ADCY2: variants seen among roughly 807,000 people sequenced by gnomAD.
ADCY2 encodes the protein adenylate cyclase 2.
Under a neutral mutation model 125.2 loss-of-function variants are expected in ADCY2, and 31 were observed. The ratio of observed to expected loss-of-function variants is 0.25; its 90% CI spans 0.19 to 0.33. ADCY2 has a LOEUF of 0.33. Among genes scored for constraint, ADCY2 ranks in the 10% least tolerant of loss-of-function variants. The pLI, the probability that ADCY2 is intolerant of heterozygous loss-of-function variation, is 1.00. For missense variants in ADCY2, 904 were observed against 1,418.2 expected, an observed-to-expected ratio of 0.64 and a Z score of 5.82; for synonymous variants, 512 against 548.4, an observed-to-expected ratio of 0.93 and a Z score of 0.93.
At chr5:7,538,871 T>C (rs1024733774) in intron 3 of ADCY2, among the ~76,000 whole-genome samples, 2 of 146,850 alleles carry the variant, frequency 1.4e-5, no homozygotes, top group African/African-American at 2.5e-5. Flanking sequence ...TTTTCTTTTT[T>C]TTTTTTTTTT....
chr5:7,759,390 C>T (rs1357983758), intron 16 of ADCY2, among the ~76,000 whole-genome samples: 1 of 152,216 alleles, frequency 6.6e-6, no homozygotes, highest in Non-Finnish European at 1.5e-5. Flanking sequence ...AAAGGCTCAT[C>T]TGTTGCTGGG....
intron 18 of ADCY2, among the ~76,000 whole-genome samples, chr5:7,775,396 T>C (rs1743688296): frequency 6.6e-6 from 1 of 151,484 alleles, no homozygotes; most frequent in Non-Finnish European, 1.5e-5. Flanking sequence ...TAGTTTTGAT[T>C]GTTTGTTTGT....
intron 3 of ADCY2, among the ~76,000 whole-genome samples, chr5:7,556,986 G>A (rs995784086): frequency 3.3e-5 from 5 of 152,058 alleles, no homozygotes; most frequent in African/African-American, 1.2e-4. Flanking sequence ...AGAAACGATA[G>A]ATGATTTTAG....
intron 24 of ADCY2, among the ~76,000 whole-genome samples, chr5:7,824,276 C>A (rs760527919): frequency 1.3e-5 from 2 of 152,112 alleles, no homozygotes; most frequent in East Asian, 1.9e-4. Context: ...AGCAACCCTG[C>A]GGCTTCTCCT....
chr5:7,421,843 G>A (rs1287205703), intron 2 of ADCY2, among the ~76,000 whole-genome samples: 1 of 152,192 alleles, frequency 6.6e-6, no homozygotes, highest in African/African-American at 2.4e-5. Context: ...AAAGTAATTG[G>A]GGTTTTTGCC....
chr5:7,790,062 A>G (rs1477890010), intron 20 of ADCY2, among the ~76,000 whole-genome samples: 6 of 152,116 alleles, frequency 3.9e-5, no homozygotes, highest in Non-Finnish European at 5.9e-5. Context: ...TTTTTTCCCC[A>G]ATCATGTAAA....
At chr5:7,718,988 A>AAAT (rs141855782) in intron 12 of ADCY2, among the ~76,000 whole-genome samples, 1 of 152,072 alleles carries the variant, frequency 6.6e-6, no homozygotes, top group Admixed American at 6.6e-5. Flanking sequence ...AAAAGTTAGC[A>AAAT]AATAATAATA....
chr5:7,804,403 G>T (rs75788199), intron 21 of ADCY2, among the ~76,000 whole-genome samples, 182 bp from the exon 22 acceptor site: 2,411 of 152,304 alleles, frequency 0.016, 68 homozygotes, highest in African/African-American at 0.055. Context: ...CCAAGGACAT[G>T]CGCTGTATGA....
intron 4 of ADCY2, among the ~76,000 whole-genome samples, chr5:7,677,208 G>A (rs576225020): frequency 1.3e-5 from 2 of 152,186 alleles, no homozygotes; most frequent in South Asian, 4.2e-4. Context: ...AACGCAGGAG[G>A]TGGAGGTTGC....
intron 18 of ADCY2, among the ~76,000 whole-genome samples, chr5:7,775,443 T>C (rs1187827931): frequency 6.6e-6 from 1 of 151,806 alleles, no homozygotes; most frequent in African/African-American, 2.4e-5. Flanking sequence ...CAGGCTGGAG[T>C]ACAGTGGTTT....
chr5:7,712,039 T>C (rs1033348501), intron 10 of ADCY2, among the ~76,000 whole-genome samples: 2 of 152,200 alleles, frequency 1.3e-5, no homozygotes, highest in Non-Finnish European at 2.9e-5. Flanking sequence ...TCAACATTGA[T>C]AGAGCTCTTG....
chr5:7,465,380 G>A (rs1255251976), intron 2 of ADCY2, among the ~76,000 whole-genome samples: 1 of 152,136 alleles, frequency 6.6e-6, no homozygotes, highest in East Asian at 1.9e-4. Context: ...TTAAAGCAGA[G>A]TCAGTATCCA....
chr5:7,475,584 G>A (rs142737912), intron 2 of ADCY2, among the ~76,000 whole-genome samples: 52 of 152,254 alleles, frequency 3.4e-4, no homozygotes, highest in South Asian at 1.7e-3. Context: ...GTTTCGCCAC[G>A]TTGGCCAGGC....
chr5:7,708,101 C>T (rs755970745), intron 9 of ADCY2: 24 of 329,678 alleles, frequency 7.3e-5, no homozygotes, highest in Non-Finnish European at 1.3e-4. Context: ...GTGTGTTAGT[C>T]GGTGTATTCC....
chr5:7,627,973 T>A (rs1418764816), intron 4 of ADCY2, among the ~76,000 whole-genome samples: 2 of 152,238 alleles, frequency 1.3e-5, no homozygotes, highest in Non-Finnish European at 2.9e-5. Flanking sequence ...TTTGTTTGTT[T>A]GTTTGTTCTA....
At chr5:7,792,356 T>C (rs929330387) in intron 20 of ADCY2, among the ~76,000 whole-genome samples, 2 of 152,070 alleles carry the variant, frequency 1.3e-5, no homozygotes, top group African/African-American at 2.4e-5. Context: ...CTCGTGCCAT[T>C]GCACTCCAGC....
At chr5:7,582,486 A>G (rs1405940070) in intron 3 of ADCY2, among the ~76,000 whole-genome samples, 2 of 152,180 alleles carry the variant, frequency 1.3e-5, no homozygotes, top group Non-Finnish European at 2.9e-5. Flanking sequence ...TGACTGACCC[A>G]TATTCCAGAT....
chr5:7,591,191 A>C (rs996692424), intron 3 of ADCY2, among the ~76,000 whole-genome samples: 1 of 152,202 alleles, frequency 6.6e-6, no homozygotes, highest in Non-Finnish European at 1.5e-5. Context: ...GAAGTAAAAT[A>C]TTTGTGAGTT....
At chr5:7,816,716 G>T (rs1745123767) in intron 22 of ADCY2, 150 bp from the exon 23 acceptor site, 4 of 635,396 alleles carry the variant, frequency 6.3e-6, no homozygotes, top group Non-Finnish European at 8.5e-6. Context: ...CTTGAGATGG[G>T]ATTTGATTCT....
Sources: allele counts gnomAD v4.1 joint callset (sites outside exome capture counted in the v4.1 genomes callset), GRCh38; gene constraint gnomAD v4.1.1; transcripts MANE v1.5; gene names NCBI Gene and HGNC (gene_info 2026-07-23, HGNC 2026-07-21).